Variants in ARHGAP44 observed in about 807,000 individuals in gnomAD.
The protein encoded by ARHGAP44 is rho GTPase-activating protein 44.
Under a neutral mutation model 106.8 loss-of-function variants are expected in ARHGAP44, and 43 were observed. That is an observed-to-expected ratio of 0.40 (90% CI 0.32 to 0.52). The LOEUF (loss-of-function observed/expected upper bound fraction) is 0.52. Ranked by LOEUF, ARHGAP44 falls within the 20% of genes least tolerant of loss-of-function variation. The pLI is 0.48. For missense variants in ARHGAP44, 866 were observed against 1,050.5 expected, an observed-to-expected ratio of 0.82 and a Z score of 2.43; for synonymous variants, 439 against 410.3, an observed-to-expected ratio of 1.07 and a Z score of -0.85.
chr17:12,905,608 A>G (rs150307178), intron 3 of ARHGAP44, among the ~76,000 whole-genome samples: 1 of 152,146 alleles, frequency 6.6e-6, no homozygotes, highest in Non-Finnish European at 1.5e-5. Context: ...TGACAGGATA[A>G]TCTGACTAGT....
chr17:12,949,767 C>A lies in ARHGAP44; in HGVS notation c.1055+37C>A, dbSNP rs1454920751. 1 of 1,578,374 alleles carries A rather than the reference C, an allele frequency of 6.3e-7. No individual in the cohort carries two copies. The highest frequency in any genetic ancestry group is 2.2e-5 in the East Asian group (1 of 44,684). ...TTGTTTTGGAATGTCCTGTGAGTTACAGTTTATTTGGGAGTATGTGCTGAA... is the reference window on the plus strand; with the variant it reads ...TTGTTTTGGAATGTCCTGTGAGTTAAAGTTTATTTGGGAGTATGTGCTGAA... On this transcript the variant is annotated intron_variant, in intron 12 of 20. Coordinates refer to ENST00000379672, the MANE Select transcript of ARHGAP44 (RefSeq NM_014859.6). This position sits in a 1 kb window ranked among gnomAD's most constrained non-coding sequence, Gnocchi z 4.1.
intron 16 of ARHGAP44, among the ~76,000 whole-genome samples, chr17:12,962,339 TG>T (rs768092790): frequency 2.6e-5 from 4 of 152,302 alleles, no homozygotes; most frequent in Non-Finnish European, 5.9e-5. Flanking sequence ...TAGCAGGGCT[TG>T]GTGACCAGTT....
At chr17:12,808,772 C>T (rs541624720) in intron 1 of ARHGAP44, among the ~76,000 whole-genome samples, 17 of 152,340 alleles carry the variant, frequency 1.1e-4, no homozygotes, top group African/African-American at 3.8e-4. Context: ...CTCCTCGTTA[C>T]TTATGCTAAT....
intron 1 of ARHGAP44, among the ~76,000 whole-genome samples, chr17:12,869,390 G>T (rs916511638): frequency 5.1e-5 from 7 of 138,476 alleles, no homozygotes; most frequent in African/African-American, 1.7e-4. Context: ...TTTATAACAT[G>T]TGGTATACAA....
At position 12,958,946 on chromosome 17, in the gene ARHGAP44, G is replaced by C. The variant is rs770199884; in HGVS notation, c.1523+49G>C. On this transcript the variant is annotated intron_variant, in intron 16 of 20. Transcript: ENST00000379672. The surrounding 1 kb of genome is among the most constrained non-coding windows in gnomAD (Gnocchi z 4.1). ...AGCACTGGGGATTAGGGGAGGTGGT[G>C]GGGGTGGATGGGTGACGCATAAGAA... 4.5e-6 allele frequency: 7 copies of C among 1,559,546 alleles called. No individual in the cohort carries two copies. In the South Asian group the frequency reaches 8.2e-5, roughly 18 times the overall value.
rs1453762373 is a variant in ARHGAP44 at position 12,990,029 on chromosome 17, C to T, written c.2318-3C>T. On this transcript the variant is annotated splice_region_variant and splice_polypyrimidine_tract_variant and intron_variant, in intron 20 of 20. Coordinates refer to ENST00000379672, the MANE Select transcript of ARHGAP44 (RefSeq NM_014859.6). ...AACCACCTCTCTCTCTGCCGCCTTC[C>T]AGATCTTGTCCACTTTGATATTCCC... The T allele has an allele frequency of 4.4e-6, 7 of 1,598,250 alleles. No individual in the cohort carries two copies. In the African/African-American group the frequency reaches 9.4e-5, roughly 21 times the overall value.
At chr17:12,975,661 G>A (rs955475524) in intron 18 of ARHGAP44, among the ~76,000 whole-genome samples, 5 of 151,840 alleles carry the variant, frequency 3.3e-5, no homozygotes, top group African/African-American at 1.2e-4. Context: ...AGCTGGGCGT[G>A]GTGGCGGGCG....
chr17:12,887,666 G>A (rs573579851), intron 1 of ARHGAP44, among the ~76,000 whole-genome samples: 53 of 152,132 alleles, frequency 3.5e-4, no homozygotes, highest in Middle Eastern at 3.4e-3. Context: ...ATTGAGAAGC[G>A]TTCCTTCTTT....
At position 12,859,072 on chromosome 17, in the gene ARHGAP44, T is replaced by C. The variant is rs149161106; in HGVS notation, c.54-35868T>C. ...GCTACAATTCAAGATGAGATTTGGG[T>C]GGGGACACAGCCAGACCATATCAGC... On this transcript the variant is annotated intron_variant, in intron 1 of 20. Transcript: ENST00000379672. Among the ~76,000 whole-genome samples the C allele has an allele frequency of 2.4e-3, 362 of 152,192 alleles. 1 individual carries two copies. Among genetic ancestry groups the C allele is most frequent in the African/African-American group, 8.1e-3 (336 of 41,534 alleles).
chr17:12,834,750 G>C (rs2035186624), intron 1 of ARHGAP44, among the ~76,000 whole-genome samples: 1 of 152,170 alleles, frequency 6.6e-6, no homozygotes, highest in Non-Finnish European at 1.5e-5. Context: ...ATAATATTAG[G>C]GTGTTGGAGA....
Position 12,894,982 on chromosome 17 carries a change from A to G in ARHGAP44, c.93+3A>G. 4 of 1,585,420 alleles carry G rather than the reference A, an allele frequency of 2.5e-6. No individual in the cohort carries two copies. The highest frequency in any genetic ancestry group is 3.4e-6 in the Non-Finnish European group (4 of 1,164,834). ...TTTTGAGTGAAGACCTTCTTCAGGTAAGGCGGCCATTGACACTGGCTCACA... is the reference window on the plus strand; with the variant it reads ...TTTTGAGTGAAGACCTTCTTCAGGTGAGGCGGCCATTGACACTGGCTCACA... On this transcript the variant is annotated splice_donor_region_variant and intron_variant, in intron 2 of 20. Coordinates refer to ENST00000379672, the MANE Select transcript of ARHGAP44 (RefSeq NM_014859.6).
At chr17:12,935,142 A>C (rs111870143) in intron 7 of ARHGAP44, among the ~76,000 whole-genome samples, 3 of 152,212 alleles carry the variant, frequency 2.0e-5, no homozygotes, top group Admixed American at 6.5e-5. Flanking sequence ...TTTTAAGGTC[A>C]AAAAATAATC....
intron 3 of ARHGAP44, among the ~76,000 whole-genome samples, chr17:12,905,053 C>T (rs925375534): frequency 1.3e-5 from 2 of 151,294 alleles, no homozygotes; most frequent in Non-Finnish European, 2.9e-5. Context: ...AGGGGCGTGC[C>T]ACCACACTTG....
chr17:12,924,931 C>T (rs1428329041), intron 6 of ARHGAP44, among the ~76,000 whole-genome samples: 5 of 152,130 alleles, frequency 3.3e-5, no homozygotes, highest in Non-Finnish European at 5.9e-5. Flanking sequence ...AGCAAGTGAA[C>T]TAGTGTAAGT....
chr17:12,797,822 ATTC>A (rs2033969377), intron 1 of ARHGAP44, among the ~76,000 whole-genome samples: 1 of 152,168 alleles, frequency 6.6e-6, no homozygotes, highest in Non-Finnish European at 1.5e-5. Context: ...TATAATGCGA[ATTC>A]TTCTCATCTG....
At chr17:12,980,325 G>A in intron 19 of ARHGAP44, 92 bp downstream of exon 19, 1 of 1,365,704 alleles carries the variant, frequency 7.3e-7, no homozygotes, top group Non-Finnish European at 9.9e-7. Flanking sequence ...CTTGGATATT[G>A]AGAAACTGTG....
chr17:12,876,203 C>T (rs553606659), intron 1 of ARHGAP44, among the ~76,000 whole-genome samples: 1 of 152,294 alleles, frequency 6.6e-6, no homozygotes, highest in South Asian at 2.1e-4. Flanking sequence ...GAGGACCTTC[C>T]TATAGCCTTG....
chr17:12,819,471 A>G (rs2150793526), intron 1 of ARHGAP44, among the ~76,000 whole-genome samples: 1 of 151,972 alleles, frequency 6.6e-6, no homozygotes, highest in South Asian at 2.1e-4. Context: ...AAATTGATGG[A>G]TCAATTTTGT....
At chr17:12,950,259 A>G (rs1158177552) in intron 12 of ARHGAP44, among the ~76,000 whole-genome samples, 1 of 152,218 alleles carries the variant, frequency 6.6e-6, no homozygotes, top group Admixed American at 6.5e-5. Flanking sequence ...GAGTGGGCAT[A>G]GAGTCTTTAC....
Sources: gnomAD v4.1 joint callset for allele counts (sites outside exome capture counted in the v4.1 genomes callset) on GRCh38, gnomAD v4.1.1 for gene constraint, Gnocchi (gnomAD v3.1) non-coding constraint, MANE v1.5 for transcripts, NCBI Gene and HGNC (gene_info 2026-07-23, HGNC 2026-07-21) for gene names.